Variants in CDH12 observed in about 807,000 individuals in gnomAD.
The protein encoded by CDH12 is cadherin 12.
CDH12 carries 41 observed loss-of-function variants against 74.1 expected under a neutral mutation model. The observed-to-expected ratio is 0.55, with a 90% CI of 0.43 to 0.72. CDH12 has a LOEUF of 0.72. CDH12 is among the 30% of genes least tolerant of loss of function. The pLI is 0.00. For missense variants in CDH12, 945 were observed against 977.2 expected (o/e 0.97, Z 0.44); for synonymous variants, 399 against 355.0 (o/e 1.12, Z -1.39).
At chr5:22,248,337 C>G (rs979547486) in intron 3 of CDH12, among the ~76,000 whole-genome samples, 1 of 151,834 alleles carries the variant, frequency 6.6e-6, no homozygotes, top group Non-Finnish European at 1.5e-5. Flanking sequence ...AATAACAAAT[C>G]ACATTTTCCC....
intron 6 of CDH12, among the ~76,000 whole-genome samples, chr5:21,855,888 T>C (rs1750730555): frequency 1.3e-5 from 2 of 151,748 alleles, no homozygotes; most frequent in African/African-American, 4.8e-5. Context: ...TCTACCATTT[T>C]CTTTTAATAA....
chr5:22,689,858 G>T (rs1042340630), intron 1 of CDH12, among the ~76,000 whole-genome samples: 1 of 151,772 alleles, frequency 6.6e-6, no homozygotes, highest in African/African-American at 2.4e-5. Context: ...CAAAGTCATG[G>T]GTACAAATAA....
chr5:22,252,509 G>A (rs2150388297), intron 3 of CDH12, among the ~76,000 whole-genome samples: 1 of 151,922 alleles, frequency 6.6e-6, no homozygotes, highest in Non-Finnish European at 1.5e-5. Flanking sequence ...TTATGGCATC[G>A]TTAACCATCC....
chr5:22,503,956 T>C lies in CDH12; in HGVS notation c.-428+1314A>G, dbSNP rs1364715069. On this transcript the variant is annotated intron_variant, in intron 2 of 14. Coordinates refer to ENST00000382254, the MANE Select transcript of CDH12 (RefSeq NM_004061.5). ...ATATTTAAGAATATGGAGTTGCCTT[T>C]TATAGGAATTAAATTCAAAGTGTTC... 2.6e-5 allele frequency among the ~76,000 whole-genome samples: 4 copies of C among 152,030 alleles called. No individual in the cohort carries two copies. The East Asian group carries it at 7.7e-4, about 29-fold the overall frequency.
chr5:22,350,812 T>C (rs1305893261), intron 3 of CDH12, among the ~76,000 whole-genome samples: 2 of 152,212 alleles, frequency 1.3e-5, no homozygotes, highest in African/African-American at 2.4e-5. Flanking sequence ...ATCTAATTTA[T>C]TATTATCGAA....
At chr5:22,680,468 AC>A (rs2126927750) in intron 1 of CDH12, among the ~76,000 whole-genome samples, 1 of 152,144 alleles carries the variant, frequency 6.6e-6, no homozygotes, top group South Asian at 2.1e-4. Context: ...TATCCAACTC[AC>A]GTATTTTATT....
chr5:22,671,390 A>T (rs1466290239), intron 1 of CDH12, among the ~76,000 whole-genome samples: 1 of 152,168 alleles, frequency 6.6e-6, no homozygotes, highest in African/African-American at 2.4e-5. Flanking sequence ...ATATACAGAC[A>T]GTAGATGGAA....
At chr5:22,278,467 A>G (rs1736733821) in intron 3 of CDH12, among the ~76,000 whole-genome samples, 1 of 152,162 alleles carries the variant, frequency 6.6e-6, no homozygotes, top group Non-Finnish European at 1.5e-5. Flanking sequence ...GAGTTACACA[A>G]ATGACAAGAT....
chr5:21,787,251 C>G (rs1255885745), intron 10 of CDH12, among the ~76,000 whole-genome samples: 1 of 152,108 alleles, frequency 6.6e-6, no homozygotes, highest in Non-Finnish European at 1.5e-5. Context: ...TTGACTGATA[C>G]AGCAAACCTC....
At chr5:22,403,351 C>T (rs980889326) in intron 3 of CDH12, among the ~76,000 whole-genome samples, 2 of 152,160 alleles carry the variant, frequency 1.3e-5, no homozygotes, top group Non-Finnish European at 2.9e-5. Context: ...GTAATAAAGT[C>T]AGCTTTTGCA....
chr5:21,885,418 T>C (rs1391683074), intron 6 of CDH12, among the ~76,000 whole-genome samples: 1 of 152,080 alleles, frequency 6.6e-6, no homozygotes, highest in Admixed American at 6.6e-5. Flanking sequence ...TACAGAGAAA[T>C]GGTTATATGC....
At chr5:22,608,804 C>A (rs920352958) in intron 1 of CDH12, among the ~76,000 whole-genome samples, 3 of 152,124 alleles carry the variant, frequency 2.0e-5, no homozygotes, top group Non-Finnish European at 1.5e-5. Context: ...ATTCAGCACT[C>A]ATTTTCTCTC....
chr5:22,651,104 AG>A (rs2126883725), intron 1 of CDH12, among the ~76,000 whole-genome samples: 2 of 149,522 alleles, frequency 1.3e-5, no homozygotes, highest in South Asian at 4.3e-4. Context: ...TATCATCAAG[AG>A]GCCCCATATC....
intron 10 of CDH12, among the ~76,000 whole-genome samples, chr5:21,794,798 T>A (rs1405461562): frequency 1.3e-5 from 2 of 151,700 alleles, no homozygotes; most frequent in African/African-American, 4.8e-5. Flanking sequence ...AATAGTTTTG[T>A]TATAGAAACT....
At chr5:21,976,806 G>A (rs866598754) in intron 5 of CDH12, among the ~76,000 whole-genome samples, 4 of 151,932 alleles carry the variant, frequency 2.6e-5, no homozygotes, top group Admixed American at 2.0e-4. Flanking sequence ...TTAAGAATGA[G>A]TTCTGTTTTC....
chr5:22,444,366 G>A (rs774909454), intron 2 of CDH12, among the ~76,000 whole-genome samples: 13 of 151,784 alleles, frequency 8.6e-5, no homozygotes, highest in Non-Finnish European at 1.6e-4. Flanking sequence ...TCTCCCTCTC[G>A]TTTGTAGTTG....
At chr5:22,432,439 T>C (rs1035307805) in intron 2 of CDH12, among the ~76,000 whole-genome samples, 2 of 152,158 alleles carry the variant, frequency 1.3e-5, no homozygotes, top group Non-Finnish European at 2.9e-5. Context: ...ATTATTTATG[T>C]TGGTATTTGT....
At chr5:21,931,346 G>A (rs1431295725) in intron 6 of CDH12, among the ~76,000 whole-genome samples, 2 of 152,098 alleles carry the variant, frequency 1.3e-5, no homozygotes, top group Non-Finnish European at 2.9e-5. Flanking sequence ...TACCATCTGG[G>A]GGTGTCTAAT....
chr5:22,113,059 G>A (rs1437495272), intron 4 of CDH12, among the ~76,000 whole-genome samples: 5 of 152,090 alleles, frequency 3.3e-5, no homozygotes, highest in African/African-American at 4.8e-5. Flanking sequence ...CCTATCAAAG[G>A]GGCCTGGGGA....
Sources: gnomAD v4.1 joint callset for allele counts (sites outside exome capture counted in the v4.1 genomes callset) on GRCh38, gnomAD v4.1.1 for gene constraint, MANE v1.5 for transcripts, NCBI Gene and HGNC (gene_info 2026-07-23, HGNC 2026-07-21) for gene names.